The following ABCA12 variants were observed in gnomAD, a reference collection of about 807,000 sequenced individuals.
ABCA12 encodes the protein glucosylceramide transporter ABCA12.
In ABCA12, 156 loss-of-function variants were observed where a neutral mutation model predicts 293.5. That is an observed-to-expected ratio of 0.53 (90% CI 0.47 to 0.61). ABCA12 has a LOEUF of 0.61. ABCA12 is among the 20% of genes least tolerant of loss of function. ABCA12 has a pLI of 0.00. For synonymous variants in ABCA12, 1,063 were observed against 1,108.0 expected, an observed-to-expected ratio of 0.96 and a Z score of 0.81; for missense variants, 2,797 against 3,090.2, an observed-to-expected ratio of 0.91 and a Z score of 2.25.
chr2:214,958,279 T>C lies in ABCA12; in HGVS notation c.6115A>G (p.Met2039Val). The change falls in exon 41 of 53, where the codon ATG becomes GTG. Residue 2039 changes from methionine (M) to valine (V), a missense_variant and splice_region_variant. Coordinates refer to ENST00000272895, the MANE Select transcript of ABCA12 (RefSeq NM_173076.3). Reference sequence around the variant, plus strand: ...AATGAAGGACATAAGTTACTCACCATGTCATAAATGAAGTTTGTTACCCAG... The same window carrying C: ...AATGAAGGACATAAGTTACTCACCACGTCATAAATGAAGTTTGTTACCCAG... ...CYWVTNFIYD[M>V]VFYLVPVAFS... 1.2e-6 allele frequency: 2 copies of C among 1,613,976 alleles called. No homozygotes were observed. The highest frequency in any genetic ancestry group is 1.7e-6 in the Non-Finnish European group (2 of 1,179,818).
At chr2:214,976,639 C>T (rs776617656) in intron 33 of ABCA12, among the ~76,000 whole-genome samples, 35 of 152,068 alleles carry the variant, frequency 2.3e-4, no homozygotes, top group Non-Finnish European at 4.6e-4. Context: ...ATTACATTCT[C>T]TTTAGAAATT....
intron 7 of ABCA12, among the ~76,000 whole-genome samples, chr2:215,040,528 G>T (rs1485526084): frequency 2.6e-5 from 4 of 152,140 alleles, no homozygotes; most frequent in Admixed American, 6.5e-5. Context: ...CAAAATGTTG[G>T]CTGGGCGCGG....
At chr2:215,037,397 T>G (rs1701015764) in intron 7 of ABCA12, among the ~76,000 whole-genome samples, 1 of 152,162 alleles carries the variant, frequency 6.6e-6, no homozygotes, top group Non-Finnish European at 1.5e-5. Context: ...AAAGAATACA[T>G]CTTTTTTTAG....
At chr2:214,980,424 A>G in intron 31 of ABCA12, 59 bp downstream of exon 31, 1 of 1,603,814 alleles carries the variant, frequency 6.2e-7, no homozygotes, top group South Asian at 1.1e-5. Context: ...CTCTGCTCCT[A>G]TTTCATATAA....
At chr2:215,057,463 G>A (rs571842872) in intron 3 of ABCA12, among the ~76,000 whole-genome samples, 8 of 151,940 alleles carry the variant, frequency 5.3e-5, no homozygotes, top group African/African-American at 7.2e-5. Flanking sequence ...CAAAAGCTCC[G>A]GATACCAAAT....
intron 11 of ABCA12, among the ~76,000 whole-genome samples, chr2:215,023,914 A>T (rs968650172): frequency 6.6e-5 from 10 of 152,200 alleles, no homozygotes; most frequent in African/African-American, 1.9e-4. Flanking sequence ...AACTTTCATG[A>T]TCAAATTCAA....
chr2:215,001,168 G>T, intron 21 of ABCA12, 148 bp from the exon 22 acceptor site: 1 of 815,456 alleles, frequency 1.2e-6, no homozygotes, highest in Non-Finnish European at 1.9e-6. Context: ...CAGAAAACAT[G>T]GTTAATTGGA....
chr2:215,058,155 C>T (rs1701456403), intron 3 of ABCA12, among the ~76,000 whole-genome samples: 1 of 151,970 alleles, frequency 6.6e-6, no homozygotes, highest in Non-Finnish European at 1.5e-5. Context: ...TTCCTTCAGC[C>T]TTCTATTAGC....
chr2:214,952,165 C>A (rs564607528), intron 44 of ABCA12, among the ~76,000 whole-genome samples: 4 of 152,050 alleles, frequency 2.6e-5, no homozygotes, highest in African/African-American at 7.2e-5. Flanking sequence ...TTCTAATCTT[C>A]CTTATTCCAA....
intron 28 of ABCA12, 140 bp downstream of exon 28, chr2:214,986,402 G>A: frequency 1.1e-6 from 1 of 897,318 alleles, no homozygotes; most frequent in Non-Finnish European, 1.8e-6. Flanking sequence ...CCATTCTATA[G>A]CATACAAGTT....
intron 2 of ABCA12, among the ~76,000 whole-genome samples, chr2:215,068,886 A>C (rs910112807): frequency 1.3e-5 from 2 of 152,148 alleles, no homozygotes; most frequent in African/African-American, 4.8e-5. Flanking sequence ...GGCACTGTCT[A>C]GAGAAGTGCT....
chr2:215,100,546 G>C (rs1388499210), intron 2 of ABCA12, among the ~76,000 whole-genome samples: 1 of 129,596 alleles, frequency 7.7e-6, no homozygotes. Flanking sequence ...ATGAATATTT[G>C]AGTTCCCATT....
At chr2:215,036,467 T>A (rs768525928) in intron 8 of ABCA12, among the ~76,000 whole-genome samples, 1 of 152,202 alleles carries the variant, frequency 6.6e-6, no homozygotes, top group Non-Finnish European at 1.5e-5. Flanking sequence ...TATGTGTCTG[T>A]GTGTATGTAG....
At chr2:215,003,513 T>C (rs1429676666) in intron 20 of ABCA12, among the ~76,000 whole-genome samples, 2 of 152,146 alleles carry the variant, frequency 1.3e-5, no homozygotes, top group Admixed American at 6.5e-5. Flanking sequence ...GAGATAAAAA[T>C]GTTAAATGTA....
intron 2 of ABCA12, among the ~76,000 whole-genome samples, chr2:215,092,248 C>T (rs1702163074): frequency 6.6e-6 from 1 of 152,160 alleles, no homozygotes; most frequent in South Asian, 2.1e-4. Flanking sequence ...GATGGCCAGG[C>T]TGCTAGACCC....
intron 50 of ABCA12, among the ~76,000 whole-genome samples, chr2:214,938,372 C>T (rs964002469): frequency 6.6e-6 from 1 of 152,056 alleles, no homozygotes; most frequent in Admixed American, 6.6e-5. Context: ...CATTGATGGG[C>T]ATTTGGGTTG....
chr2:214,953,973 G>T lies in ABCA12; in HGVS notation c.6528C>A (p.Tyr2176Ter). ...LDFLKAYGVEYPNETFEMNKL... is the reference protein window; with the variant it reads ...LDFLKAYGVE ...TATTCATCTCAAAGGTTTCATTTGG[G>T]TATTCCACTCCATATGCTTTTAAGA... The change falls in exon 44 of 53, where the codon TAC (tyrosine) becomes TAA (stop). Residue 2176 changes from tyrosine to a stop codon, truncating the protein, a stop_gained. Transcript: ENST00000272895. LOFTEE classifies it high-confidence loss of function. 1 of 1,614,054 alleles carries T rather than the reference G, an allele frequency of 6.2e-7. No individual in the cohort carries two copies. Among genetic ancestry groups the T allele is most frequent in the Non-Finnish European group, 8.5e-7 (1 of 1,179,976 alleles).
intron 23 of ABCA12, 92 bp downstream of exon 23, chr2:214,997,603 G>C: frequency 1.0e-6 from 1 of 958,064 alleles, no homozygotes; most frequent in Non-Finnish European, 1.6e-6. Flanking sequence ...GGATAAGTTA[G>C]GCTTTCTGAA....
At chr2:215,110,650 G>A (rs867042643) in intron 2 of ABCA12, among the ~76,000 whole-genome samples, 54 of 152,310 alleles carry the variant, frequency 3.5e-4, no homozygotes, top group African/African-American at 1.2e-3. Flanking sequence ...CATGATTCAC[G>A]TAAATTCTGC....
Sources: allele counts gnomAD v4.1 joint callset (sites outside exome capture counted in the v4.1 genomes callset), GRCh38; gene constraint gnomAD v4.1.1; transcripts MANE v1.5; gene names NCBI Gene and HGNC (gene_info 2026-07-23, HGNC 2026-07-21).